Variants in PTPA observed in about 807,000 individuals in gnomAD.
PTPA encodes the protein serine/threonine-protein phosphatase 2A activator.
Under a neutral mutation model 43.6 loss-of-function variants are expected in PTPA, and 13 were observed. The observed-to-expected ratio is 0.30, with a 90% confidence interval of 0.19 to 0.47. The LOEUF is 0.47. PTPA is among the 20% of genes least tolerant of loss of function. The pLI is 0.99. For missense variants in PTPA, 329 were observed against 411.9 expected (o/e 0.80, Z 1.74); for synonymous variants, 172 against 158.2 (o/e 1.09, Z -0.66).
intron 9 of PTPA, among the ~76,000 whole-genome samples, chr9:129,146,325 C>A (rs951588656): frequency 6.6e-6 from 1 of 152,194 alleles, no homozygotes; most frequent in Non-Finnish European, 1.5e-5. Flanking sequence ...TCTTTCCCTC[C>A]CCTCCTGGCG....
In PTPA at chr9:129,136,474, C is replaced by T. The variant is rs778423102; in HGVS notation, c.564C>T (p.Tyr188=). The change falls in exon 7 of 10, where the codon TAC becomes TAT. Residue 188 remains tyrosine, a synonymous_variant. Coordinates refer to ENST00000393370, the MANE Select transcript of PTPA (RefSeq NM_178000.3). ...CTTTCCCTGTCCTCCTGTGCAGGTA[C>T]CTTGAGGTTATGCGGAAACTCCAGA... ...IAIVFKVFNR[Y]LEVMRKLQKT... 1.5e-5 allele frequency: 24 copies of T among 1,612,856 alleles called. 1 individual carries two copies. In the South Asian group the frequency reaches 2.6e-4, roughly 18 times the overall value.
intron 9 of PTPA, among the ~76,000 whole-genome samples, chr9:129,144,146 C>T (rs1412530176): frequency 6.6e-6 from 1 of 151,864 alleles, no homozygotes; most frequent in Non-Finnish European, 1.5e-5. Context: ...ACCTGCCCTT[C>T]CAGAGACAAA....
At chr9:129,142,355 T>C (rs1850933291) in intron 8 of PTPA, 90 bp from the exon 9 acceptor site, 5 of 1,161,510 alleles carry the variant, frequency 4.3e-6, no homozygotes, top group Non-Finnish European at 4.9e-6. Flanking sequence ...TGTGTGTGTG[T>C]GCATGCATGG....
intron 8 of PTPA, 132 bp from the exon 9 acceptor site, chr9:129,142,313 G>A: frequency 1.3e-6 from 1 of 793,884 alleles, no homozygotes; most frequent in East Asian, 2.7e-5. Flanking sequence ...CCAAGTGTCT[G>A]CGCGTGCATT....
intron 9 of PTPA, 126 bp from the exon 10 acceptor site, chr9:129,147,261 G>C (rs1250798401): frequency 5.3e-5 from 45 of 851,540 alleles, no homozygotes; most frequent in Non-Finnish European, 8.4e-5. Context: ...GAAGGCCTGG[G>C]GGATCCCCTG....
chr9:129,130,896 A>AT (rs1021688629), intron 4 of PTPA, among the ~76,000 whole-genome samples: 2 of 152,014 alleles, frequency 1.3e-5, no homozygotes, highest in East Asian at 3.9e-4. Context: ...CCATAAATTG[A>AT]TTTTTTTCCA....
intron 8 of PTPA, among the ~76,000 whole-genome samples, chr9:129,140,633 T>C (rs1850724248): frequency 3.3e-5 from 5 of 152,216 alleles, no homozygotes; most frequent in African/African-American, 1.2e-4. Context: ...GGCAGGCCCC[T>C]GGCAGACAAA....
At position 129,147,544 on chromosome 9, in the gene PTPA, C is replaced by T. The variant is rs1644081198; in HGVS notation, c.*80C>T. 3 of 1,420,498 alleles carry T rather than the reference C, an allele frequency of 2.1e-6. No homozygotes were observed. Among genetic ancestry groups the T allele is most frequent in the East Asian group, 2.3e-5 (1 of 43,018 alleles). 88.0% of individuals were successfully genotyped at this position (1,420,498 alleles called of 1,614,324 possible). A position where few individuals can be genotyped will look rare whatever the true frequency, so the allele number is the denominator to read the frequency against. ...ACCCCAGCAGTGGCCCCTCCCCATC[C>T]CCTCCCTCTGTTCGTCCCGTTTGAT... On this transcript the variant is annotated 3_prime_UTR_variant, in exon 10 of 10. Transcript: ENST00000393370.
At chr9:129,124,394 A>G (rs528211747) in intron 3 of PTPA, among the ~76,000 whole-genome samples, 1 of 152,164 alleles carries the variant, frequency 6.6e-6, no homozygotes, top group African/African-American at 2.4e-5. Flanking sequence ...GTCTTGGTAA[A>G]CATTGCTCCT....
chr9:129,137,053 G>A (rs1195539118), intron 7 of PTPA, among the ~76,000 whole-genome samples: 1 of 152,182 alleles, frequency 6.6e-6, no homozygotes, highest in Non-Finnish European at 1.5e-5. Context: ...GCTTCCTGTG[G>A]GGCTCAGAGA....
At position 129,125,646 on chromosome 9, in the gene PTPA, T is replaced by C. The variant is rs114358410; in HGVS notation, c.216+2508T>C. Among the ~76,000 whole-genome samples, 228 of 152,286 alleles carry C rather than the reference T, an allele frequency of 1.5e-3. 3 individuals carry two copies. Among genetic ancestry groups the C allele is most frequent in the African/African-American group, 5.3e-3 (221 of 41,550 alleles). On this transcript the variant is annotated intron_variant, in intron 3 of 9. Coordinates refer to ENST00000393370, the MANE Select transcript of PTPA (RefSeq NM_178000.3). Reference sequence around the variant, plus strand: ...GGCTAGTTTCATAACTTGTGAATCATTTTTGACCCTCTGTTTCCTCATCTG... The same window carrying C: ...GGCTAGTTTCATAACTTGTGAATCACTTTTGACCCTCTGTTTCCTCATCTG...
intron 8 of PTPA, among the ~76,000 whole-genome samples, chr9:129,141,432 C>T (rs903492420): frequency 3.3e-5 from 5 of 152,218 alleles, no homozygotes; most frequent in African/African-American, 1.2e-4. Flanking sequence ...CTTCCTTCTG[C>T]AGCATGGGTC....
chr9:129,142,369 T>C (rs373298255), intron 8 of PTPA, 76 bp from the exon 9 acceptor site: 2 of 1,365,452 alleles, frequency 1.5e-6, no homozygotes, highest in African/African-American at 2.9e-5. Context: ...TGCATGGGTG[T>C]GACTTTGCTG....
intron 1 of PTPA, chr9:129,119,366 C>G (rs1849101206): frequency 6.6e-6 from 1 of 151,444 alleles, no homozygotes; most frequent in Non-Finnish European, 1.5e-5. Context: ...CGTGCTTATT[C>G]AGGAGGTTGG....
At chr9:129,134,771 A>G (rs761304903) in intron 5 of PTPA, 24 bp from the exon 6 acceptor site, 24 of 1,583,514 alleles carry the variant, frequency 1.5e-5, no homozygotes, top group African/African-American at 2.7e-5. Context: ...ACTACTGTCA[A>G]CGCTGGTTGT....
chr9:129,117,132 C>T (rs60940111), intron 1 of PTPA, among the ~76,000 whole-genome samples: 15,479 of 151,638 alleles, frequency 0.1, 2,571 homozygotes, highest in African/African-American at 0.35. Flanking sequence ...ACTTCAGCCT[C>T]AGCCTCCTGG....
Position 129,131,725 on chromosome 9 carries a change from A to G in PTPA, c.460+86A>G, listed in dbSNP as rs11998947. On this transcript the variant is annotated intron_variant, in intron 5 of 9. Coordinates refer to ENST00000393370, the MANE Select transcript of PTPA (RefSeq NM_178000.3). ...CAGGTGGTCTCTGGGCCCTCTGAGCAAGTGAGAGCAATCAAGAATTCGCCA... is the reference window on the plus strand; with the variant it reads ...CAGGTGGTCTCTGGGCCCTCTGAGCGAGTGAGAGCAATCAAGAATTCGCCA... 10,518 of 1,294,316 alleles carry G rather than the reference A, an allele frequency of 8.1e-3. 630 individuals carry two copies. In the African/African-American group the frequency reaches 0.13, roughly 17 times the overall value. The allele number at this position is 1,294,316 out of a possible 1,614,324, so 80.2% of individuals were successfully genotyped here.
Position 129,115,350 on chromosome 9 carries a change from TG to T in PTPA, c.31+3723del, listed in dbSNP as rs569486133. ...AGGAAGAGAGCTTCTGATCTCTTTC[TG>T]GGGCCTTGGTTTGAGTTAGGCAGAG... On this transcript the variant is annotated intron_variant, in intron 1 of 9. Coordinates refer to ENST00000393370, the MANE Select transcript of PTPA (RefSeq NM_178000.3). Among the ~76,000 whole-genome samples the T allele has an allele frequency of 5.9e-5, 9 of 152,326 alleles. No individual in the cohort carries two copies. In the East Asian group the frequency reaches 1.7e-3, roughly 29 times the overall value.
intron 8 of PTPA, among the ~76,000 whole-genome samples, chr9:129,138,896 C>CTCA (rs1288582275): frequency 6.6e-6 from 1 of 152,240 alleles, no homozygotes; most frequent in Non-Finnish European, 1.5e-5. Flanking sequence ...ATCTGCTGCC[C>CTCA]TCAGCAGTGT....
Sources: gnomAD v4.1 joint callset for allele counts (sites outside exome capture counted in the v4.1 genomes callset) on GRCh38, gnomAD v4.1.1 for gene constraint, MANE v1.5 for transcripts, NCBI Gene and HGNC (gene_info 2026-07-23, HGNC 2026-07-21) for gene names.